The following ANO10 variants were observed in gnomAD, a reference collection of about 807,000 sequenced individuals.
The protein encoded by ANO10 is anoctamin-10.
In ANO10, 77 loss-of-function variants were observed where a neutral mutation model predicts 74.7. The ratio of observed to expected loss-of-function variants is 1.03; its 90% CI spans 0.86 to 1.25. The LOEUF is 1.25. Ranked by LOEUF, ANO10 falls within the 50% of genes most tolerant of loss-of-function variation. The pLI is 0.00. For missense variants in ANO10, 721 were observed against 778.1 expected (o/e 0.93, Z 0.87); for synonymous variants, 279 against 284.9 (o/e 0.98, Z 0.21).
At chr3:43,574,760 GTA>G (rs1226151659) in intron 7 of ANO10, 47 bp downstream of exon 7, 2 of 1,331,178 alleles carry the variant, frequency 1.5e-6, no homozygotes, top group Non-Finnish European at 2.2e-6. Flanking sequence ...ATATTATGTA[GTA>G]TATACCAGTT....
intron 11 of ANO10, among the ~76,000 whole-genome samples, chr3:43,462,624 G>A (rs1044245913): frequency 3.9e-5 from 6 of 152,222 alleles, no homozygotes; most frequent in African/African-American, 1.4e-4. Context: ...ATTTTCTGAG[G>A]AGAAATTCAA....
chr3:43,562,193 C>T (rs1219698925), intron 8 of ANO10, among the ~76,000 whole-genome samples: 1 of 152,024 alleles, frequency 6.6e-6, no homozygotes, highest in Non-Finnish European at 1.5e-5. Context: ...TGGCTCACAC[C>T]TGTAATCCCA....
chr3:43,591,927 C>G (rs1246477541), intron 4 of ANO10, among the ~76,000 whole-genome samples: 1 of 152,208 alleles, frequency 6.6e-6, no homozygotes, highest in East Asian at 1.9e-4. Flanking sequence ...ATGGTCTTAG[C>G]AAACGGCACA....
At chr3:43,683,656 A>G (rs1277925997) in intron 1 of ANO10, among the ~76,000 whole-genome samples, 1 of 152,270 alleles carries the variant, frequency 6.6e-6, no homozygotes, top group East Asian at 1.9e-4. Context: ...AGCTGGAGGC[A>G]TCATGCTACC....
intron 4 of ANO10, among the ~76,000 whole-genome samples, chr3:43,581,582 CAT>C (rs954369442): frequency 1.3e-5 from 2 of 152,282 alleles, no homozygotes; most frequent in African/African-American, 4.8e-5. Flanking sequence ...ATATTTTCCA[CAT>C]GAGTTCCTAA....
intron 11 of ANO10, among the ~76,000 whole-genome samples, chr3:43,501,635 G>A (rs1021036387): frequency 2.0e-5 from 3 of 152,162 alleles, no homozygotes; most frequent in Admixed American, 2.0e-4. Flanking sequence ...ATGCAATGAA[G>A]ACTAAGATTG....
chr3:43,595,767 T>A (rs1348693403), intron 4 of ANO10, among the ~76,000 whole-genome samples: 3 of 152,120 alleles, frequency 2.0e-5, no homozygotes, highest in Non-Finnish European at 4.4e-5. Flanking sequence ...GCCAGGGCAA[T>A]CAGGCAGGAG....
intron 11 of ANO10, among the ~76,000 whole-genome samples, chr3:43,466,881 G>T (rs1343296267): frequency 1.3e-5 from 2 of 152,128 alleles, no homozygotes; most frequent in African/African-American, 4.8e-5. Flanking sequence ...CTTGTGTATT[G>T]AATATGTAAA....
At chr3:43,409,027 CAA>C (rs971094971) in intron 12 of ANO10, among the ~76,000 whole-genome samples, 1 of 150,936 alleles carries the variant, frequency 6.6e-6, no homozygotes, top group Non-Finnish European at 1.5e-5. Context: ...AACCCTGTCT[CAA>C]AAAAAAGAGT....
chr3:43,685,096 TA>T (rs2084258457), intron 1 of ANO10, among the ~76,000 whole-genome samples: 1 of 152,152 alleles, frequency 6.6e-6, no homozygotes, highest in Admixed American at 6.5e-5. Flanking sequence ...AGAAAAAAAA[TA>T]AAGATTGTTT....
chr3:43,430,006 T>C (rs1355445033), intron 12 of ANO10, among the ~76,000 whole-genome samples: 1 of 152,182 alleles, frequency 6.6e-6, no homozygotes, highest in East Asian at 1.9e-4. Context: ...TAAAAGAATG[T>C]CCATTTCCCA....
At chr3:43,469,997 T>C (rs1163378041) in intron 11 of ANO10, among the ~76,000 whole-genome samples, 2 of 152,242 alleles carry the variant, frequency 1.3e-5, no homozygotes, top group African/African-American at 4.8e-5. Context: ...TTCAGAGAAG[T>C]ATCAACAATT....
intron 12 of ANO10, among the ~76,000 whole-genome samples, chr3:43,414,967 CTTTTTTT>C (rs60554785): frequency 1.1e-3 from 72 of 66,604 alleles, no homozygotes; most frequent in African/African-American, 4.3e-3. Flanking sequence ...TGTCATTGTG[CTTTTTTT>C]TTTTTTTTTT....
At chr3:43,652,193 T>G (rs1470355382) in intron 1 of ANO10, among the ~76,000 whole-genome samples, 4 of 151,976 alleles carry the variant, frequency 2.6e-5, no homozygotes, top group Non-Finnish European at 5.9e-5. Flanking sequence ...TAGCCAACTA[T>G]TTTGAAAAAG....
intron 11 of ANO10, among the ~76,000 whole-genome samples, chr3:43,450,591 T>C (rs1008492821): frequency 4.6e-5 from 7 of 152,196 alleles, no homozygotes; most frequent in Admixed American, 4.6e-4. Flanking sequence ...CAGAATTATA[T>C]GTCTCAGATA....
intron 12 of ANO10, among the ~76,000 whole-genome samples, chr3:43,370,687 T>C (rs1216185348): frequency 6.6e-6 from 1 of 152,214 alleles, no homozygotes; most frequent in Admixed American, 6.5e-5. Flanking sequence ...AGTATCAAAA[T>C]GGAGACAGAA....
chr3:43,411,379 T>C (rs2092662676), intron 12 of ANO10, among the ~76,000 whole-genome samples: 1 of 152,202 alleles, frequency 6.6e-6, no homozygotes. Flanking sequence ...TCATCTGATT[T>C]TGACAACTAT....
At chr3:43,443,064 A>C (rs1393123915) in intron 11 of ANO10, among the ~76,000 whole-genome samples, 1 of 152,168 alleles carries the variant, frequency 6.6e-6, no homozygotes, top group East Asian at 1.9e-4. Context: ...TCACCCTGAG[A>C]AGACGTCTTC....
chr3:43,444,187 G>GTC (rs2093206203), intron 11 of ANO10, among the ~76,000 whole-genome samples: 1 of 152,044 alleles, frequency 6.6e-6, no homozygotes, highest in South Asian at 2.1e-4. Flanking sequence ...TGATGGGGTT[G>GTC]TCATTTGTCC....
Sources: gnomAD v4.1 joint callset for allele counts (sites outside exome capture counted in the v4.1 genomes callset) on GRCh38, gnomAD v4.1.1 for gene constraint, MANE v1.5 for transcripts, NCBI Gene and HGNC (gene_info 2026-07-23, HGNC 2026-07-21) for gene names.